SHISA6: variants seen among roughly 807,000 people sequenced by gnomAD.
The protein encoded by SHISA6 is shisa family member 6, also known as protein shisa-6.
SHISA6 carries 22 observed loss-of-function variants against 47.9 expected under a neutral mutation model. The observed-to-expected ratio is 0.46, with a 90% CI of 0.33 to 0.66. The LOEUF is 0.66. SHISA6 is among the 30% of genes least tolerant of loss of function. The pLI, the probability that SHISA6 is intolerant of heterozygous loss-of-function variation, is 0.02. For missense variants in SHISA6, 680 were observed against 764.6 expected, an observed-to-expected ratio of 0.89 and a Z score of 1.30; for synonymous variants, 388 against 337.8, an observed-to-expected ratio of 1.15 and a Z score of -1.63.
At chr17:11,426,260 G>A (rs1386380462) in intron 3 of SHISA6, among the ~76,000 whole-genome samples, 1 of 152,222 alleles carries the variant, frequency 6.6e-6, no homozygotes, top group East Asian at 1.9e-4. Context: ...AAGGGGCCAT[G>A]TAAGAATAAA....
chr17:11,367,185 T>C (rs982814593), intron 2 of SHISA6, among the ~76,000 whole-genome samples: 3 of 152,000 alleles, frequency 2.0e-5, no homozygotes, highest in African/African-American at 7.2e-5. Flanking sequence ...GAATAGAACA[T>C]GTAAAGTCAT....
chr17:11,281,898 A>C (rs1250091065), intron 2 of SHISA6, among the ~76,000 whole-genome samples: 1 of 152,270 alleles, frequency 6.6e-6, no homozygotes, highest in Non-Finnish European at 1.5e-5. Context: ...TTCTCAAAAT[A>C]TAACTCACAC....
chr17:11,464,730 GCCAGGAGTTCGAGA>G (rs1222015956), intron 3 of SHISA6, among the ~76,000 whole-genome samples: 1 of 152,128 alleles, frequency 6.6e-6, no homozygotes, highest in Non-Finnish European at 1.5e-5. Context: ...ATCACCGGAG[GCCAGGAGTTCGAGA>G]CCAGCCTGGC....
intron 3 of SHISA6, among the ~76,000 whole-genome samples, chr17:11,487,777 A>G (rs1392114798): frequency 6.6e-6 from 1 of 152,202 alleles, no homozygotes; most frequent in Non-Finnish European, 1.5e-5. Context: ...ATTAGCTTGC[A>G]TTGCCCCCTC....
chr17:11,551,237 A>G (rs1404231904), intron 3 of SHISA6, among the ~76,000 whole-genome samples: 1 of 152,236 alleles, frequency 6.6e-6, no homozygotes, highest in African/African-American at 2.4e-5. Flanking sequence ...GGGTTTGGCA[A>G]CTGTAACTGT....
At chr17:11,252,446 C>G (rs1205997403) in intron 1 of SHISA6, among the ~76,000 whole-genome samples, 1 of 152,176 alleles carries the variant, frequency 6.6e-6, no homozygotes, top group Admixed American at 6.5e-5. Flanking sequence ...TTCCTTCGCC[C>G]TTGCTGTTTC....
intron 3 of SHISA6, among the ~76,000 whole-genome samples, chr17:11,396,694 A>G (rs2142260491): frequency 6.6e-6 from 1 of 152,326 alleles, no homozygotes; most frequent in African/African-American, 2.4e-5. Context: ...CTGAACAATG[A>G]GAACACATGG....
intron 3 of SHISA6, among the ~76,000 whole-genome samples, chr17:11,499,317 G>A (rs1426369928): frequency 2.6e-5 from 4 of 152,130 alleles, no homozygotes; most frequent in Non-Finnish European, 4.4e-5. Flanking sequence ...GCAGAATGAC[G>A]CCACTTGGGG....
At chr17:11,392,360 T>C (rs1257340398) in intron 3 of SHISA6, among the ~76,000 whole-genome samples, 2 of 152,146 alleles carry the variant, frequency 1.3e-5, no homozygotes, top group Non-Finnish European at 2.9e-5. Flanking sequence ...TGTTAGGAGG[T>C]GGAGCCTAGT....
intron 3 of SHISA6, among the ~76,000 whole-genome samples, chr17:11,462,609 T>G (rs909861127): frequency 3.3e-5 from 5 of 151,770 alleles, no homozygotes; most frequent in Admixed American, 6.6e-5. Flanking sequence ...CAGTGTGGGG[T>G]TTTTTTTGTT....
At chr17:11,257,296 C>T (rs376650585) in intron 1 of SHISA6, among the ~76,000 whole-genome samples, 7 of 152,216 alleles carry the variant, frequency 4.6e-5, no homozygotes, top group East Asian at 3.9e-4. Flanking sequence ...GGAAGCACTC[C>T]GACTGTCCAG....
intron 3 of SHISA6, among the ~76,000 whole-genome samples, chr17:11,414,176 C>A (rs1012465399): frequency 4.6e-5 from 7 of 152,046 alleles, no homozygotes; most frequent in Admixed American, 4.6e-4. Flanking sequence ...TCCTTCTCCT[C>A]CTGCTCCTGC....
rs758472285 is a variant in SHISA6, at chr17:11,561,905, C to T, written c.*3601C>T. 5 of 152,180 alleles carry T rather than the reference C, an allele frequency of 3.3e-5. No homozygotes were observed. Among genetic ancestry groups the T allele is most frequent in the Non-Finnish European group, 5.9e-5 (4 of 68,110 alleles). 9.4% of individuals were successfully genotyped at this position (152,180 alleles called of 1,614,324 possible). ...ATACCCCAGTGCACGGAGCCAAGGG[C>T]TTTTCCCCTCTGAGCTCTGGGAGGG... is the stretch of plus-strand genomic sequence containing the variant. On this transcript the variant is annotated 3_prime_UTR_variant, in exon 6 of 6. Transcript: ENST00000441885.
At chr17:11,299,013 C>T (rs1185333633) in intron 2 of SHISA6, among the ~76,000 whole-genome samples, 1 of 152,104 alleles carries the variant, frequency 6.6e-6, no homozygotes, top group Non-Finnish European at 1.5e-5. Flanking sequence ...CAGTTTTTGC[C>T]ACTAAAAGTC....
In SHISA6 at chr17:11,412,919, T is replaced by C. The variant is rs146280787; in HGVS notation, c.895+33410T>C. 7.8e-4 allele frequency among the ~76,000 whole-genome samples: 118 copies of C among 152,120 alleles called. 1 individual carries two copies. The highest frequency in any genetic ancestry group is 2.8e-3 in the African/African-American group (116 of 41,496). ...CCAGGGCATGCATGCAATAAGTAGG[T>C]AGATTATGGCTTAAGTGGAAGTCAC... is the stretch of plus-strand genomic sequence containing the variant. On this transcript the variant is annotated intron_variant, in intron 3 of 5. Coordinates refer to ENST00000441885, the MANE Select transcript of SHISA6 (RefSeq NM_207386.4).
chr17:11,399,085 G>A (rs73975391), intron 3 of SHISA6, among the ~76,000 whole-genome samples: 7,094 of 151,912 alleles, frequency 0.047, 508 homozygotes, highest in African/African-American at 0.15. Context: ...CTGTTTTCCA[G>A]TTATGCTAAA....
At chr17:11,487,157 C>T (rs1916370654) in intron 3 of SHISA6, among the ~76,000 whole-genome samples, 1 of 152,172 alleles carries the variant, frequency 6.6e-6, no homozygotes, top group Non-Finnish European at 1.5e-5. Flanking sequence ...TGTTCACACA[C>T]GTGCATGGGC....
rs78413322 is a variant in SHISA6 at position 11,255,935 on chromosome 17, C to T, written c.639-7431C>T. On this transcript the variant is annotated intron_variant, in intron 1 of 5. Transcript: ENST00000441885. ...TAGGTGCCAGGCTCCTTGTAAGCCTCGTAAGCACTTTACAACTATTACATC... is the reference window on the plus strand; with the variant it reads ...TAGGTGCCAGGCTCCTTGTAAGCCTTGTAAGCACTTTACAACTATTACATC... 7.1e-4 allele frequency among the ~76,000 whole-genome samples: 108 copies of T among 152,348 alleles called. 2 individuals carry two copies. The East Asian group carries it at 0.016, about 22-fold the overall frequency.
chr17:11,408,791 A>C lies in SHISA6; in HGVS notation c.895+29282A>C, dbSNP rs547086113. On this transcript the variant is annotated intron_variant, in intron 3 of 5. Coordinates refer to ENST00000441885, the MANE Select transcript of SHISA6 (RefSeq NM_207386.4). ...TAATTCAGGTGTTTCTTACTTGAAG[A>C]GCTCAGCTGTTCCCCTTGCTCACAG... is the stretch of plus-strand genomic sequence containing the variant. Among the ~76,000 whole-genome samples, 7 of 152,324 alleles carry C rather than the reference A, an allele frequency of 4.6e-5. No homozygotes were observed. The East Asian group carries it at 9.7e-4, about 21-fold the overall frequency.
Sources: gnomAD v4.1 joint callset for allele counts (sites outside exome capture counted in the v4.1 genomes callset) on GRCh38, gnomAD v4.1.1 for gene constraint, MANE v1.5 for transcripts, NCBI Gene and HGNC (gene_info 2026-07-23, HGNC 2026-07-21) for gene names.